GTF2IRD1: variants seen among roughly 807,000 people sequenced by gnomAD.
GTF2IRD1 encodes general transcription factor II-I repeat domain-containing protein 1.
In GTF2IRD1, 26 loss-of-function variants were observed where a neutral mutation model predicts 113.2. The observed-to-expected ratio is 0.23, with a 90% CI of 0.17 to 0.32. The LOEUF (loss-of-function observed/expected upper bound fraction) is 0.32, where lower values mean the gene tolerates loss of function less well. Ranked by LOEUF, GTF2IRD1 falls within the 10% of genes least tolerant of loss-of-function variation. The pLI, the probability that GTF2IRD1 is intolerant of heterozygous loss-of-function variation, is 1.00. For missense variants in GTF2IRD1, 864 were observed against 1,280.8 expected (o/e 0.67, Z 4.97); for synonymous variants, 484 against 529.1 (o/e 0.91, Z 1.17).
At chr7:74,556,620 C>CTTT (rs782679644) in intron 19 of GTF2IRD1, among the ~76,000 whole-genome samples, 20 of 107,172 alleles carry the variant, frequency 1.9e-4, no homozygotes, top group East Asian at 7.4e-4. Context: ...CTGCACCCAG[C>CTTT]TTTTTTTTTT....
intron 1 of GTF2IRD1, among the ~76,000 whole-genome samples, chr7:74,502,411 G>C (rs2129886443): frequency 6.6e-6 from 1 of 152,338 alleles, no homozygotes; most frequent in South Asian, 2.1e-4. Context: ...TCCAGGCTTT[G>C]GGCTGCAGAA....
chr7:74,528,388 A>G (rs2130415080), intron 8 of GTF2IRD1, among the ~76,000 whole-genome samples: 1 of 152,216 alleles, frequency 6.6e-6, no homozygotes, highest in East Asian at 1.9e-4. Context: ...ATTTTTATAG[A>G]GATGGCTTCT....
intron 14 of GTF2IRD1, among the ~76,000 whole-genome samples, chr7:74,544,037 A>G (rs1264767544): frequency 6.6e-6 from 1 of 152,144 alleles, no homozygotes; most frequent in African/African-American, 2.4e-5. Context: ...CAACAGAGCA[A>G]GACCCAGGAA....
chr7:74,538,770 G>C lies in GTF2IRD1; in HGVS notation c.1528+10G>C, dbSNP rs367568831. 6.8e-7 allele frequency: 1 copy of C among 1,466,756 alleles called. No homozygotes were observed. The highest frequency in any genetic ancestry group is 9.6e-7 in the Non-Finnish European group (1 of 1,045,852). 90.9% of individuals were successfully genotyped at this position (1,466,756 alleles called of 1,614,324 possible). A position where few individuals can be genotyped will look rare whatever the true frequency, so the allele number is the denominator to read the frequency against. The stretch of plus-strand genomic sequence containing the variant: ...CAGGTCACCGTCCCAGGTAAGGGAC[G>C]GGCATCTGACCACCCCCTGCAGAAA... On this transcript the variant is annotated intron_variant, in intron 13 of 26. Coordinates refer to ENST00000424337, the MANE Select transcript of GTF2IRD1 (RefSeq NM_005685.4).
At chr7:74,535,588 C>G (rs908485683) in intron 10 of GTF2IRD1, among the ~76,000 whole-genome samples, 9 of 152,204 alleles carry the variant, frequency 5.9e-5, no homozygotes, top group Non-Finnish European at 1.2e-4. Context: ...CATGCAGTGG[C>G]CCGTGGGCCA....
intron 11 of GTF2IRD1, 141 bp from the exon 12 acceptor site, chr7:74,537,995 T>A (rs1798402431): frequency 6.8e-6 from 5 of 736,988 alleles, no homozygotes. Flanking sequence ...AGCACCATCC[T>A]GGAGGGCCAG....
In GTF2IRD1 at chr7:74,529,684, G is replaced by T. The variant is rs750470236; in HGVS notation, c.1091-50G>T. 76 of 1,568,812 alleles carry T rather than the reference G, an allele frequency of 4.8e-5. 1 individual carries two copies. The Middle Eastern group carries it at 9.5e-4, about 20-fold the overall frequency. On this transcript the variant is annotated intron_variant, in intron 8 of 26. Transcript: ENST00000424337. ...GGACCGCAGCTCCCGGGTCCTGTGT[G>T]TCCAGCAGCCTGTCTAACACTCAGC... is the stretch of plus-strand genomic sequence containing the variant.
At chr7:74,580,700 G>A (rs1398636576) in intron 22 of GTF2IRD1, among the ~76,000 whole-genome samples, 1 of 152,130 alleles carries the variant, frequency 6.6e-6, no homozygotes, top group African/African-American at 2.4e-5. Context: ...AGAATGAGCA[G>A]GAGGGGGGCA....
chr7:74,571,505 A>AT (rs1269076788), intron 22 of GTF2IRD1, among the ~76,000 whole-genome samples: 1 of 152,146 alleles, frequency 6.6e-6, no homozygotes, highest in African/African-American at 2.4e-5. Context: ...TATCTAGGAC[A>AT]TCCCCACATC....
intron 1 of GTF2IRD1, among the ~76,000 whole-genome samples, chr7:74,454,647 G>A (rs1393665657): frequency 3.3e-5 from 5 of 152,048 alleles, no homozygotes; most frequent in Admixed American, 1.3e-4. Context: ...CAACTCCCAG[G>A]CGGAGTCCAG....
intron 22 of GTF2IRD1, among the ~76,000 whole-genome samples, chr7:74,584,739 T>G (rs186337801): frequency 6.6e-6 from 1 of 152,324 alleles, no homozygotes; most frequent in East Asian, 1.9e-4. Context: ...TTCCCAAGCT[T>G]AACATTTCCC....
At chr7:74,511,272 G>A (rs1220973112) in intron 2 of GTF2IRD1, among the ~76,000 whole-genome samples, 1 of 152,146 alleles carries the variant, frequency 6.6e-6, no homozygotes, top group Non-Finnish European at 1.5e-5. Flanking sequence ...GGGTCTTTTG[G>A]TGACCTGTAG....
intron 22 of GTF2IRD1, among the ~76,000 whole-genome samples, chr7:74,576,454 G>T (rs1367221451): frequency 6.7e-6 from 1 of 150,284 alleles, no homozygotes; most frequent in African/African-American, 2.4e-5. Context: ...CCAGCTACTC[G>T]GGAGGCTGAG....
At chr7:74,556,701 A>G (rs1256272343) in intron 19 of GTF2IRD1, among the ~76,000 whole-genome samples, 2 of 138,368 alleles carry the variant, frequency 1.4e-5, no homozygotes, top group African/African-American at 2.8e-5. Context: ...TTGGCTCACT[A>G]CAACCTCCAC....
At chr7:74,585,878 CT>C (rs1183390516) in intron 22 of GTF2IRD1, among the ~76,000 whole-genome samples, 3 of 150,666 alleles carry the variant, frequency 2.0e-5, no homozygotes, top group African/African-American at 7.4e-5. Context: ...CAGAGCAAGA[CT>C]CTTCCAAAAA....
chr7:74,484,875 C>T (rs1554335332), intron 1 of GTF2IRD1, among the ~76,000 whole-genome samples: 1 of 152,166 alleles, frequency 6.6e-6, no homozygotes, highest in African/African-American at 2.4e-5. Flanking sequence ...GAATACTGAT[C>T]CTATGAACAT....
intron 2 of GTF2IRD1, among the ~76,000 whole-genome samples, chr7:74,510,142 C>T (rs1290609966): frequency 1.3e-5 from 2 of 152,058 alleles, no homozygotes; most frequent in Admixed American, 6.6e-5. Context: ...CACACTCTCT[C>T]CATGATGACC....
In GTF2IRD1 at chr7:74,512,089, C is replaced by T. The variant is rs536252297; in HGVS notation, c.124-741C>T. On this transcript the variant is annotated intron_variant, in intron 2 of 26. Transcript: ENST00000424337. This position sits in a 1 kb window ranked among gnomAD's most constrained non-coding sequence, Gnocchi z 4.4. ...GAAACTGGCCACGCAGAGTGGCTCA[C>T]GCCTGTAATCCCAGCACTTTGGGAG... Among the ~76,000 whole-genome samples the T allele has an allele frequency of 1.5e-4, 23 of 152,330 alleles. No individual in the cohort carries two copies. The highest frequency in any genetic ancestry group is 5.3e-4 in the African/African-American group (22 of 41,582).
At chr7:74,469,116 G>A (rs1468935827) in intron 1 of GTF2IRD1, among the ~76,000 whole-genome samples, 3 of 151,778 alleles carry the variant, frequency 2.0e-5, no homozygotes, top group African/African-American at 7.3e-5. Flanking sequence ...GGTATTTGGA[G>A]GATAGGATGG....
Sources: gnomAD v4.1 joint callset for allele counts (sites outside exome capture counted in the v4.1 genomes callset) on GRCh38, gnomAD v4.1.1 for gene constraint, Gnocchi (gnomAD v3.1) non-coding constraint, MANE v1.5 for transcripts, NCBI Gene and HGNC (gene_info 2026-07-23, HGNC 2026-07-21) for gene names.